Variants in PRKAR2B observed in about 807,000 individuals in gnomAD.
PRKAR2B encodes cAMP-dependent protein kinase type II-beta regulatory subunit.
A neutral mutation model predicts 49.9 loss-of-function variants in PRKAR2B; 14 were observed. The ratio of observed to expected loss-of-function variants is 0.28; its 90% CI spans 0.19 to 0.44. The LOEUF is 0.44. PRKAR2B is among the 20% of genes least tolerant of loss of function. The pLI is 1.00. For missense variants in PRKAR2B, 393 were observed against 537.9 expected (o/e 0.73, Z 2.67); for synonymous variants, 196 against 197.7 (o/e 0.99, Z 0.07).
chr7:107,161,450 ATTG>A lies in PRKAR2B; in HGVS notation c.*1872_*1874del, dbSNP rs1490390026. On this transcript the variant is annotated 3_prime_UTR_variant, in exon 11 of 11. Coordinates refer to ENST00000265717, the MANE Select transcript of PRKAR2B (RefSeq NM_002736.3). ...AAATGCCACGTACATTATTTTCAGTATTGTTGGTTATATTTAAATTTTCCTTAC... is the reference window on the plus strand; with the variant it reads ...AAATGCCACGTACATTATTTTCAGTATTGGTTATATTTAAATTTTCCTTAC... 1 of 152,650 alleles carries A rather than the reference ATTG, an allele frequency of 6.6e-6. No individual in the cohort carries two copies. The highest frequency in any genetic ancestry group is 1.5e-5 in the Non-Finnish European group (1 of 68,040). The allele number at this position is 152,650 out of a possible 1,614,324, so 9.5% of individuals were successfully genotyped here. A position where few individuals can be genotyped will look rare whatever the true frequency, so the allele number is the denominator to read the frequency against.
At chr7:107,157,099 A>G (rs761056108) in intron 9 of PRKAR2B, 50 bp downstream of exon 9, 2 of 1,607,732 alleles carry the variant, frequency 1.2e-6, no homozygotes, top group East Asian at 2.2e-5. Flanking sequence ...AAGGAACACA[A>G]CAGATCTACT....
intron 1 of PRKAR2B, among the ~76,000 whole-genome samples, chr7:107,061,831 A>G (rs1794033164): frequency 6.6e-6 from 1 of 152,190 alleles, no homozygotes; most frequent in Non-Finnish European, 1.5e-5. Flanking sequence ...GGGATGGCGA[A>G]GGTTGCAGTG....
intron 2 of PRKAR2B, among the ~76,000 whole-genome samples, chr7:107,075,336 C>G (rs1253280140): frequency 6.6e-6 from 1 of 151,590 alleles, no homozygotes; most frequent in Non-Finnish European, 1.5e-5. Context: ...CTCCTGACCT[C>G]GTGATCCGCC....
chr7:107,106,008 T>C (rs552400866), intron 2 of PRKAR2B, among the ~76,000 whole-genome samples: 1 of 152,190 alleles, frequency 6.6e-6, no homozygotes, highest in African/African-American at 2.4e-5. Flanking sequence ...TTTTTGCCTA[T>C]TGTAGCTTCC....
At chr7:107,158,409 T>C (rs1157519666) in intron 10 of PRKAR2B, among the ~76,000 whole-genome samples, 1 of 152,230 alleles carries the variant, frequency 6.6e-6, no homozygotes, top group Non-Finnish European at 1.5e-5. Context: ...TAATTCCTTC[T>C]TGTCCTTTTT....
chr7:107,131,082 T>C (rs1795597995), intron 4 of PRKAR2B, among the ~76,000 whole-genome samples: 1 of 152,206 alleles, frequency 6.6e-6, no homozygotes, highest in Non-Finnish European at 1.5e-5. Flanking sequence ...CAACATACTT[T>C]GAATACCAAA....
chr7:107,052,954 T>G (rs1434058207), intron 1 of PRKAR2B, among the ~76,000 whole-genome samples: 1 of 152,132 alleles, frequency 6.6e-6, no homozygotes, highest in African/African-American at 2.4e-5. Flanking sequence ...CTCAGCTTCC[T>G]GAGTAGCTGG....
At chr7:107,075,336 C>T (rs1253280140) in intron 2 of PRKAR2B, among the ~76,000 whole-genome samples, 2 of 151,684 alleles carry the variant, frequency 1.3e-5, no homozygotes, top group East Asian at 1.9e-4. Context: ...CTCCTGACCT[C>T]GTGATCCGCC....
Position 107,044,880 on chromosome 7 carries a change from C to T in PRKAR2B, c.-28C>T. On this transcript the variant is annotated 5_prime_UTR_variant, in exon 1 of 11. Transcript: ENST00000265717. The stretch of plus-strand genomic sequence containing the variant: ...TGCCGGGGAGGGGGCGAGGGCGGCG[C>T]CCAGGCGCCTGCCGCCCCGGAGGCA... 1 of 1,563,376 alleles carries T rather than the reference C, an allele frequency of 6.4e-7. No individual in the cohort carries two copies. The highest frequency in any genetic ancestry group is 8.6e-7 in the Non-Finnish European group (1 of 1,159,358).
chr7:107,159,667 G>A lies in PRKAR2B; in HGVS notation c.*85G>A. 2.8e-6 allele frequency: 4 copies of A among 1,418,522 alleles called. No homozygotes were observed. Among genetic ancestry groups the A allele is most frequent in the Non-Finnish European group, 3.8e-6 (4 of 1,042,922 alleles). 87.9% of individuals were successfully genotyped at this position (1,418,522 alleles called of 1,614,324 possible). ...GAGAATGTGTTTGTGTAGATGCCAAGCATTTTCTGTGATTTCAGGTTTTTT... is the reference window on the plus strand; with the variant it reads ...GAGAATGTGTTTGTGTAGATGCCAAACATTTTCTGTGATTTCAGGTTTTTT... On this transcript the variant is annotated 3_prime_UTR_variant, in exon 11 of 11. Coordinates refer to ENST00000265717, the MANE Select transcript of PRKAR2B (RefSeq NM_002736.3).
rs35682952 is a variant in PRKAR2B at position 107,126,420 on chromosome 7, C to CAAAAAA, written c.397-1774_397-1769dup. The stretch of plus-strand genomic sequence containing the variant: ...TGGGCAACAGAGTGAGAATCTGTCT[C>CAAAAAA]AAAAAAAAAAAAAAAAAAAAAAAGT... On this transcript the variant is annotated intron_variant, in intron 3 of 10. Coordinates refer to ENST00000265717, the MANE Select transcript of PRKAR2B (RefSeq NM_002736.3). Among the ~76,000 whole-genome samples the CAAAAAA allele has an allele frequency of 8.2e-3, 316 of 38,390 alleles. 24 individuals are homozygous for CAAAAAA. The highest frequency in any genetic ancestry group is 0.03 in the African/African-American group (285 of 9,540). 25.2% of individuals were successfully genotyped at this position (38,390 alleles called of 152,430 possible).
At chr7:107,145,159 G>A (rs1729449383) in intron 5 of PRKAR2B, among the ~76,000 whole-genome samples, 1 of 152,218 alleles carries the variant, frequency 6.6e-6, no homozygotes, top group Non-Finnish European at 1.5e-5. Context: ...TAAAGGGCCA[G>A]AGAGTAAATA....
At chr7:107,106,272 C>A (rs10234016) in intron 2 of PRKAR2B, among the ~76,000 whole-genome samples, 4,870 of 152,258 alleles carry the variant, frequency 0.032, 262 homozygotes, top group African/African-American at 0.11. Context: ...TTGGGAACCC[C>A]TCTGGTAATC....
At chr7:107,150,722 A>T (rs1216549637) in intron 6 of PRKAR2B, among the ~76,000 whole-genome samples, 200 bp from the exon 7 acceptor site, 3 of 134,616 alleles carry the variant, frequency 2.2e-5, no homozygotes, top group African/African-American at 8.4e-5. Flanking sequence ...AAAAAAAAAA[A>T]GAAAACAGTA....
In PRKAR2B at chr7:107,152,751, C is replaced by T. The variant is rs139536509; in HGVS notation, c.844-426C>T. On this transcript the variant is annotated intron_variant, in intron 7 of 10. Transcript: ENST00000265717. ...AAAATTTTGTCCACATCACACAGTG[C>T]GTGGTAGACAGCTGATCTTTTCCAG... Among the ~76,000 whole-genome samples the T allele has an allele frequency of 1.5e-3, 233 of 152,266 alleles. 1 individual carries two copies. Among genetic ancestry groups the T allele is most frequent in the African/African-American group, 5.2e-3 (217 of 41,556 alleles).
intron 2 of PRKAR2B, among the ~76,000 whole-genome samples, chr7:107,083,262 C>G (rs1352577023): frequency 6.6e-6 from 1 of 151,798 alleles, no homozygotes; most frequent in Non-Finnish European, 1.5e-5. Flanking sequence ...CCTTCCCTCC[C>G]CTCTGAGGGA....
At chr7:107,052,108 C>G (rs1793817369) in intron 1 of PRKAR2B, among the ~76,000 whole-genome samples, 1 of 152,092 alleles carries the variant, frequency 6.6e-6, no homozygotes, top group Non-Finnish European at 1.5e-5. Flanking sequence ...TTATAGAAAA[C>G]TAATGTCTTT....
intron 2 of PRKAR2B, among the ~76,000 whole-genome samples, chr7:107,072,079 A>T (rs1481357125): frequency 4.0e-5 from 6 of 149,800 alleles, no homozygotes; most frequent in Non-Finnish European, 8.9e-5. Context: ...AAAAAAAAAA[A>T]ATAATAAAAA....
intron 2 of PRKAR2B, among the ~76,000 whole-genome samples, chr7:107,104,581 A>G (rs890454684): frequency 6.6e-5 from 10 of 152,168 alleles, no homozygotes; most frequent in Non-Finnish European, 1.5e-4. Flanking sequence ...GAAAATTAAT[A>G]TGGTCATTCA....
Sources: allele counts gnomAD v4.1 joint callset (sites outside exome capture counted in the v4.1 genomes callset), GRCh38; gene constraint gnomAD v4.1.1; transcripts MANE v1.5; gene names NCBI Gene and HGNC (gene_info 2026-07-23, HGNC 2026-07-21).